Variants in XG observed in about 807,000 individuals in gnomAD.
XG encodes glycoprotein Xg.
XG carries 24 observed loss-of-function variants against 25.7 expected under a neutral mutation model. That is an observed-to-expected ratio of 0.93 (90% CI 0.68 to 1.31). The LOEUF (loss-of-function observed/expected upper bound fraction) is 1.31, where lower values mean the gene tolerates loss of function less well. Ranked by LOEUF, XG falls within the 40% of genes most tolerant of loss-of-function variation. The pLI is 0.00. For synonymous variants in XG, 77 were observed against 69.2 expected (o/e 1.11, Z -0.56); for missense variants, 181 against 187.6 (o/e 0.96, Z 0.21).
At chrX:2,811,747 C>T (rs1350604228) in intron 10 of XG, among the ~76,000 whole-genome samples, 1 of 111,222 alleles carries the variant, frequency 9.0e-6, no homozygotes, top group Non-Finnish European at 1.9e-5. Context: ...AGGCATGCAC[C>T]ACCACGCCTG....
At chrX:2,803,841 CTTCT>C (rs1176382068) in intron 7 of XG, among the ~76,000 whole-genome samples, 80 of 111,295 alleles carry the variant, frequency 7.2e-4, no homozygotes, top group Non-Finnish European at 1.2e-3. Flanking sequence ...CTTTTCTTTT[CTTCT>C]TTTTTTGTTT....
Position 2,791,571 on chromosome X carries a change from G to T in XG, c.253+1865G>T, listed in dbSNP as rs770746795. On this transcript the variant is annotated intron_variant, in intron 5 of 10. Coordinates refer to ENST00000644266, the MANE Select transcript of XG (RefSeq NM_001141919.2). ...CCTAGACTATGTTCCCCCAGGAGGT[G>T]GTTCCTCCCTCTGCATTCCCGTACT... 2.7e-5 allele frequency among the ~76,000 whole-genome samples: 3 copies of T among 109,609 alleles called. No homozygotes were observed. In the South Asian group the frequency reaches 1.2e-3, roughly 44 times the overall value.
chrX:2,755,138 G>A (rs1277818049), intron 1 of XG, among the ~76,000 whole-genome samples: 1 of 152,146 alleles, frequency 6.6e-6, no homozygotes, highest in Non-Finnish European at 1.5e-5. Context: ...GGATCCAGAC[G>A]CCAAGACGGG....
chrX:2,755,345 A>G (rs1335520656), intron 1 of XG, among the ~76,000 whole-genome samples: 1 of 152,166 alleles, frequency 6.6e-6, no homozygotes, highest in Non-Finnish European at 1.5e-5. Flanking sequence ...TTTTTAGACC[A>G]TGCAGAGTTC....
In XG at chrX:2,776,100, T is replaced by C. The variant is rs181719017; in HGVS notation, c.127+1361T>C. Among the ~76,000 whole-genome samples the C allele has an allele frequency of 6.0e-3, 909 of 151,948 alleles. 3 individuals carry two copies. Among genetic ancestry groups the C allele is most frequent in the Admixed American group, 8.6e-3 (131 of 15,220 alleles). ...GTCAGGAGATCGAGACCATCCTGGCTAACACGGTATGTTGTACCTGAGCGA... is the reference window on the plus strand; with the variant it reads ...GTCAGGAGATCGAGACCATCCTGGCCAACACGGTATGTTGTACCTGAGCGA... On this transcript the variant is annotated intron_variant, in intron 3 of 10. Transcript: ENST00000644266.
chrX:2,785,052 A>G (rs763577009), intron 4 of XG, among the ~76,000 whole-genome samples: 89 of 112,120 alleles, frequency 7.9e-4, no homozygotes, highest in African/African-American at 2.7e-3. Context: ...ATCAATCAAT[A>G]TGTATAAGAA....
chrX:2,766,474 C>T (rs1286348213), intron 1 of XG, among the ~76,000 whole-genome samples: 1 of 138,146 alleles, frequency 7.2e-6, no homozygotes, highest in Non-Finnish European at 1.5e-5. Context: ...TCCTTCCTTC[C>T]GGGTATGGGG....
chrX:2,792,975 G>A (rs2086850861), intron 5 of XG, among the ~76,000 whole-genome samples: 2 of 110,236 alleles, frequency 1.8e-5, no homozygotes, highest in Admixed American at 9.7e-5. Context: ...ATGCAGTGGT[G>A]TGATCATAGC....
intron 1 of XG, among the ~76,000 whole-genome samples, chrX:2,754,414 T>C (rs148546028): frequency 8.5e-4 from 130 of 152,300 alleles, no homozygotes; most frequent in Middle Eastern, 6.8e-3. Flanking sequence ...GCTAAATTCT[T>C]TGACTGACGG....
At chrX:2,797,200 G>T in intron 6 of XG, 110 bp from the exon 7 acceptor site, 1 of 816,957 alleles carries the variant, frequency 1.2e-6, no homozygotes, top group Non-Finnish European at 1.8e-6. Context: ...GCAGTGACAC[G>T]TTCACACGAC....
At chrX:2,766,672 C>T in intron 1 of XG, among the ~76,000 whole-genome samples, 1 of 147,636 alleles carries the variant, frequency 6.8e-6, no homozygotes, top group East Asian at 2.1e-4. Context: ...TCACGCCATT[C>T]TCCTGCCTCA....
rs184723285 is a variant in XG, at chrX:2,790,706, A to C, written c.253+1000A>C. Among the ~76,000 whole-genome samples the C allele has an allele frequency of 9.3e-3, 1,034 of 111,381 alleles. 15 individuals carry two copies. Among genetic ancestry groups the C allele is most frequent in the Admixed American group, 0.03 (313 of 10,475 alleles). On this transcript the variant is annotated intron_variant, in intron 5 of 10. Transcript: ENST00000644266. Reference sequence around the variant, plus strand: ...TCCCAGCTACTGGGGAGGCTGAGGCAGGAGAATCGCTTGAACCCAGGAGGC... The same window carrying C: ...TCCCAGCTACTGGGGAGGCTGAGGCCGGAGAATCGCTTGAACCCAGGAGGC...
intron 7 of XG, among the ~76,000 whole-genome samples, chrX:2,797,588 A>G (rs1040541113): frequency 1.9e-5 from 2 of 107,070 alleles, no homozygotes; most frequent in African/African-American, 3.4e-5. Context: ...ACACACATGC[A>G]CACACACACA....
chrX:2,757,798 G>A (rs1208205384), intron 1 of XG, among the ~76,000 whole-genome samples: 1 of 151,086 alleles, frequency 6.6e-6, no homozygotes. Flanking sequence ...ATGGCAGAAC[G>A]CTGTTTCTAC....
intron 2 of XG, among the ~76,000 whole-genome samples, chrX:2,774,264 G>A (rs1395680597): frequency 1.3e-5 from 2 of 152,128 alleles, no homozygotes; most frequent in African/African-American, 4.8e-5. Context: ...GCTGCACCCT[G>A]AGCACTCCTG....
intron 7 of XG, among the ~76,000 whole-genome samples, chrX:2,805,766 T>C (rs1278050610): frequency 2.7e-5 from 3 of 111,616 alleles, no homozygotes; most frequent in Non-Finnish European, 3.8e-5. Context: ...TGTAGTCCTA[T>C]TGGATTAGGG....
chrX:2,758,676 G>C (rs2050490049), intron 1 of XG, among the ~76,000 whole-genome samples: 1 of 152,180 alleles, frequency 6.6e-6, no homozygotes, highest in Admixed American at 6.5e-5. Context: ...CTGATAGCAG[G>C]GATGCTGCTG....
At chrX:2,798,369 C>CTTTTTTT (rs748928232) in intron 7 of XG, among the ~76,000 whole-genome samples, 2 of 83,866 alleles carry the variant, frequency 2.4e-5, no homozygotes, top group Non-Finnish European at 4.6e-5. Flanking sequence ...ACCATCTTTT[C>CTTTTTTT]TTTTTTTTTT....
intron 7 of XG, among the ~76,000 whole-genome samples, chrX:2,799,004 G>T (rs931692620): frequency 9.1e-6 from 1 of 109,685 alleles, no homozygotes; most frequent in African/African-American, 3.3e-5. Context: ...GAGAAAAAGC[G>T]TATAAATTTA....
Sources: gnomAD v4.1 joint callset for allele counts (sites outside exome capture counted in the v4.1 genomes callset) on GRCh38, gnomAD v4.1.1 for gene constraint, MANE v1.5 for transcripts, NCBI Gene and HGNC (gene_info 2026-07-23, HGNC 2026-07-21) for gene names.